Variants in ALDH16A1 observed in about 807,000 individuals in gnomAD.
The protein encoded by ALDH16A1 is aldehyde dehydrogenase 16 family member A1, also known as aldehyde dehydrogenase family 16 member A1.
A neutral mutation model predicts 96.1 loss-of-function variants in ALDH16A1; 88 were observed. The ratio of observed to expected loss-of-function variants is 0.92; its 90% CI spans 0.77 to 1.09. ALDH16A1 has a LOEUF of 1.09. ALDH16A1 is among the 50% of genes least tolerant of loss of function. ALDH16A1 has a pLI of 0.00. For missense variants in ALDH16A1, 1,250 were observed against 1,112.6 expected, an observed-to-expected ratio of 1.12 and a Z score of -1.76; for synonymous variants, 522 against 496.4, an observed-to-expected ratio of 1.05 and a Z score of -0.69.
At chr19:49,463,726 G>C (rs1208970666) in intron 8 of ALDH16A1, 128 bp from the exon 9 acceptor site, 1 of 700,526 alleles carries the variant, frequency 1.4e-6, no homozygotes, top group Non-Finnish European at 2.4e-6. Flanking sequence ...CCAGACTCCT[G>C]GGTCTGAGGG....
chr19:49,461,771 C>A lies in ALDH16A1; in HGVS notation c.730C>A (p.Arg244=). The A allele has an allele frequency of 6.2e-7, 1 of 1,611,200 alleles. No individual in the cohort carries two copies. The highest frequency in any genetic ancestry group is 8.5e-7 in the Non-Finnish European group (1 of 1,178,858). ...VPILASQPGI[R]KVAFCGAPEE... is the part of the protein sequence containing the mutation. Reference sequence around the variant, plus strand: ...CATCCTGGCCTCCCAGCCTGGAATCCGGAAGGTGGCCTTCTGCGGAGCCCC... The same window carrying A: ...CATCCTGGCCTCCCAGCCTGGAATCAGGAAGGTGGCCTTCTGCGGAGCCCC... The change falls in exon 6 of 17, where the codon CGG becomes AGG. Residue 244 remains arginine, a synonymous_variant. Coordinates refer to ENST00000293350, the MANE Select transcript of ALDH16A1 (RefSeq NM_153329.4).
At position 49,463,788 on chromosome 19, in the gene ALDH16A1, T is replaced by G. The variant is rs372758200; in HGVS notation, c.1099-66T>G. 201 of 1,452,226 alleles carry G rather than the reference T, an allele frequency of 1.4e-4. 1 individual carries two copies. Among genetic ancestry groups the G allele is most frequent in the East Asian group, 5.2e-4 (22 of 42,226 alleles). The allele number at this position is 1,452,226 out of a possible 1,614,324, so 90.0% of individuals were successfully genotyped here. ...GGGTCTGAGGGAGGAGGGGCTGGGG[T>G]CCTGCAGTCCTCGGTCTCAGCAGGA... On this transcript the variant is annotated intron_variant, in intron 8 of 16. Transcript: ENST00000293350.
Position 49,461,662 on chromosome 19 carries a change from C to A in ALDH16A1, c.621C>A (p.Pro207=). The change falls in exon 6 of 17, where the codon CCC becomes CCA. Residue 207 remains proline (P), a synonymous_variant. Coordinates refer to ENST00000293350, the MANE Select transcript of ALDH16A1 (RefSeq NM_153329.4). Reference sequence around the variant, plus strand: ...TCGTGCCCCCGGCCTCCCCGGCGCCCCTCCTCCTGGCCCAGCTGGCGGGGG... The same window carrying A: ...TCGTGCCCCCGGCCTCCCCGGCGCCACTCCTCCTGGCCCAGCTGGCGGGGG... ...VALVPPASPA[P]LLLAQLAGEL... The A allele has an allele frequency of 6.2e-7, 1 of 1,606,428 alleles. No individual in the cohort carries two copies. The highest frequency in any genetic ancestry group is 2.2e-5 in the East Asian group (1 of 44,488).
rs1402057886 is a variant in ALDH16A1 at position 49,465,751 on chromosome 19, T to C, written c.1582T>C (p.Tyr528His). 1 of 1,613,688 alleles carries C rather than the reference T, an allele frequency of 6.2e-7. No homozygotes were observed. The highest frequency in any genetic ancestry group is 1.7e-5 in the Admixed American group (1 of 59,994). The change falls in exon 13 of 17, where the codon TAT (tyrosine) becomes CAT (histidine). Residue 528 changes from tyrosine to histidine, a missense_variant. Tyr to His is a moderately conservative substitution (Grantham distance 83). Coordinates refer to ENST00000293350, the MANE Select transcript of ALDH16A1 (RefSeq NM_153329.4). The part of the protein sequence containing the change: ...PEIGPSPAPP[Y>H]GLFVGGRFQA... Reference sequence around the variant, plus strand: ...ACCCTACTCCAGCCCAGCACCCCCCTATGGGCTCTTCGTTGGGGGCCGTTT... The same window carrying C: ...ACCCTACTCCAGCCCAGCACCCCCCCATGGGCTCTTCGTTGGGGGCCGTTT...
chr19:49,467,914 C>G (rs1284767541), intron 14 of ALDH16A1, among the ~76,000 whole-genome samples: 1 of 150,276 alleles, frequency 6.7e-6, no homozygotes, highest in East Asian at 2.0e-4. Flanking sequence ...CAGCACTTTG[C>G]GAGGCCAAGG....
intron 14 of ALDH16A1, 87 bp downstream of exon 14, chr19:49,466,370 C>A: frequency 7.5e-7 from 1 of 1,336,382 alleles, no homozygotes; most frequent in Non-Finnish European, 9.8e-7. Context: ...GCTTGGAATT[C>A]GGGCCCAGCC....
At chr19:49,457,761 C>G (rs900940060) in intron 1 of ALDH16A1, among the ~76,000 whole-genome samples, 11 of 151,684 alleles carry the variant, frequency 7.3e-5, no homozygotes, top group African/African-American at 2.4e-4. Flanking sequence ...AGGCACTCAC[C>G]ACCACACCCG....
At position 49,468,299 on chromosome 19, in the gene ALDH16A1, G is replaced by T; in HGVS notation, c.1939-82G>T. ...CGGTTTGGGCCAACACCAAGTGTTG[G>T]GGAGAATGTAGAGGAACTGGATCTC... On this transcript the variant is annotated intron_variant, in intron 14 of 16. Coordinates refer to ENST00000293350, the MANE Select transcript of ALDH16A1 (RefSeq NM_153329.4). The surrounding 1 kb of genome is among the most constrained non-coding windows in gnomAD (Gnocchi z 4.4). The T allele has an allele frequency of 7.0e-7, 1 of 1,435,818 alleles. No homozygotes were observed. 88.9% of individuals were successfully genotyped at this position (1,435,818 alleles called of 1,614,324 possible).
intron 1 of ALDH16A1, among the ~76,000 whole-genome samples, chr19:49,458,075 C>T (rs1418792742): frequency 1.3e-5 from 2 of 151,916 alleles, no homozygotes; most frequent in East Asian, 1.9e-4. Flanking sequence ...CAAAACTAGC[C>T]GCATGTGGTG....
chr19:49,462,355 G>A (rs763284319), intron 7 of ALDH16A1, among the ~76,000 whole-genome samples: 15 of 152,050 alleles, frequency 9.9e-5, no homozygotes, highest in Admixed American at 5.2e-4. Context: ...GGCTGGTCTC[G>A]AACTCCTGAC....
In ALDH16A1 at chr19:49,468,662, C is replaced by T. The variant is rs1461125230; in HGVS notation, c.2124+96C>T. ...GGCAGGAGCTTGTCTCTTACCCCAC[C>T]CTCCGTGGTACCCATGCTGCCCCCA... On this transcript the variant is annotated intron_variant, in intron 15 of 16. Coordinates refer to ENST00000293350, the MANE Select transcript of ALDH16A1 (RefSeq NM_153329.4). The surrounding 1 kb of genome is among the most constrained non-coding windows in gnomAD (Gnocchi z 4.4). The T allele has an allele frequency of 2.0e-6, 3 of 1,479,622 alleles. No individual in the cohort carries two copies. Among genetic ancestry groups the T allele is most frequent in the African/African-American group, 1.4e-5 (1 of 72,114 alleles). The allele number at this position is 1,479,622 out of a possible 1,614,324, so 91.7% of individuals were successfully genotyped here.
intron 12 of ALDH16A1, 94 bp downstream of exon 12, chr19:49,464,856 C>T: frequency 6.4e-7 from 1 of 1,563,580 alleles, no homozygotes; most frequent in Non-Finnish European, 8.7e-7. Flanking sequence ...GCGCGAGGTC[C>T]ATCCAAACCA....
chr19:49,466,496 A>G (rs1460415346), intron 14 of ALDH16A1, among the ~76,000 whole-genome samples: 1 of 152,202 alleles, frequency 6.6e-6, no homozygotes, highest in Non-Finnish European at 1.5e-5. Flanking sequence ...CGTTCGCCAG[A>G]TGATGGATAG....
rs893278915 is a variant in ALDH16A1 at position 49,453,430 on chromosome 19, C to T, written c.90+9C>T. On this transcript the variant is annotated intron_variant, in intron 1 of 16. Coordinates refer to ENST00000293350, the MANE Select transcript of ALDH16A1 (RefSeq NM_153329.4). ...GCCACGCATGCGCACTGGTGAGAGT[C>T]TGCCCGGCCGGCGCTGCTCGCTGCG... 1 of 1,533,680 alleles carries T rather than the reference C, an allele frequency of 6.5e-7. No homozygotes were observed. The highest frequency in any genetic ancestry group is 8.8e-7 in the Non-Finnish European group (1 of 1,138,356).
In ALDH16A1 at chr19:49,466,150, G is replaced by A. The variant is rs764398885; in HGVS notation, c.1805G>A (p.Arg602Gln). 4.9e-5 allele frequency: 76 copies of A among 1,559,348 alleles called. No individual in the cohort carries two copies. Among genetic ancestry groups the A allele is most frequent in the Admixed American group, 1.4e-4 (7 of 51,646 alleles). Residue 602 changes from arginine to glutamine, a missense_variant, in exon 14 of 17, where the codon CGG (arginine) becomes CAG (glutamine). Transcript: ENST00000293350. The part of the protein sequence containing the change: ...LWALAAALER[R>Q]KSTLASRLER... ...GCCCTGGCGGCTGCACTGGAGCGCC[G>A]GAAGTCTACCCTGGCCTCGAGGCTG... is the stretch of plus-strand genomic sequence containing the variant.
Position 49,468,161 on chromosome 19 carries a change from A to AC in ALDH16A1, c.1939-220_1939-219insC. The AC allele has an allele frequency of 3.1e-6, 1 of 324,546 alleles. No homozygotes were observed. Among genetic ancestry groups the AC allele is most frequent in the Middle Eastern group, 8.7e-4 (1 of 1,148 alleles). 20.1% of individuals were successfully genotyped at this position (324,546 alleles called of 1,614,324 possible). On this transcript the variant is annotated intron_variant, in intron 14 of 16. Coordinates refer to ENST00000293350, the MANE Select transcript of ALDH16A1 (RefSeq NM_153329.4). The surrounding 1 kb of genome is among the most constrained non-coding windows in gnomAD (Gnocchi z 4.4). ...GGCGACAGAGTGAGAGTCCGTCTCA[A>AC]AAAAAAAAAAAAAGAAAGGCGGTTA...
rs545518427 is a variant in ALDH16A1 at position 49,460,310 on chromosome 19, G to GCT, written c.499+464_499+465dup. On this transcript the variant is annotated intron_variant, in intron 4 of 16. Transcript: ENST00000293350. The stretch of plus-strand genomic sequence containing the variant: ...GCTGGAGTACAGTGGTGCAATTATA[G>GCT]CTCACTGATACCTCGACCTCCTGGG... Among the ~76,000 whole-genome samples the GCT allele has an allele frequency of 1.3e-4, 20 of 151,948 alleles. No homozygotes were observed. The South Asian group carries it at 4.0e-3, about 30-fold the overall frequency.
Position 49,461,729 on chromosome 19 carries a change from C to G in ALDH16A1, c.688C>G (p.Pro230Ala), listed in dbSNP as rs1344647313. 7.5e-6 allele frequency: 12 copies of G among 1,609,834 alleles called. No homozygotes were observed. The highest frequency in any genetic ancestry group is 1.0e-5 in the Non-Finnish European group (12 of 1,178,252). The change falls in exon 6 of 17, where the codon CCT (proline) becomes GCT (alanine). Residue 230 changes from proline (P) to alanine (A), a missense_variant. Pro to Ala is a conservative substitution (Grantham distance 27, BLOSUM62 -1). Coordinates refer to ENST00000293350, the MANE Select transcript of ALDH16A1 (RefSeq NM_153329.4). ...GGGAATCCTGAATGTCCTCAGTGGC[C>G]CTGCGTCCCTGGTGCCCATCCTGGC... ...FPGILNVLSG[P>A]ASLVPILASQ...
rs3760670 is a variant in ALDH16A1, at chr19:49,453,433, C to T, written c.90+12C>T. 0.41 allele frequency: 621,519 copies of T among 1,520,224 alleles called. 129,447 individuals are homozygous for T. Among genetic ancestry groups the T allele is most frequent in the Middle Eastern group, 0.53 (3,079 of 5,830 alleles). The allele number at this position is 1,520,224 out of a possible 1,614,324, so 94.2% of individuals were successfully genotyped here. On this transcript the variant is annotated intron_variant, in intron 1 of 16. Coordinates refer to ENST00000293350, the MANE Select transcript of ALDH16A1 (RefSeq NM_153329.4). Reference sequence around the variant, plus strand: ...ACGCATGCGCACTGGTGAGAGTCTGCCCGGCCGGCGCTGCTCGCTGCGTTC... The same window carrying T: ...ACGCATGCGCACTGGTGAGAGTCTGTCCGGCCGGCGCTGCTCGCTGCGTTC...
Sources: gnomAD v4.1 joint callset for allele counts (sites outside exome capture counted in the v4.1 genomes callset) on GRCh38, gnomAD v4.1.1 for gene constraint, Gnocchi (gnomAD v3.1) non-coding constraint, MANE v1.5 for transcripts, NCBI Gene and HGNC (gene_info 2026-07-23, HGNC 2026-07-21) for gene names.